The following NRXN1 variants were observed in gnomAD, a reference collection of about 807,000 sequenced individuals.
NRXN1 encodes the protein neurexin-1.
NRXN1 carries 39 observed loss-of-function variants against 150.9 expected under a neutral mutation model. The observed-to-expected ratio is 0.26, with a 90% CI of 0.20 to 0.34. The LOEUF (loss-of-function observed/expected upper bound fraction) is 0.34, where lower values mean the gene tolerates loss of function less well. Ranked by LOEUF, NRXN1 falls within the 10% of genes least tolerant of loss-of-function variation. NRXN1 has a pLI of 1.00. For synonymous variants in NRXN1, 924 were observed against 757.0 expected, an observed-to-expected ratio of 1.22 and a Z score of -3.62; for missense variants, 1,815 against 1,949.9, an observed-to-expected ratio of 0.93 and a Z score of 1.30.
chr2:50,307,173 C>T (rs1003026915), intron 17 of NRXN1, among the ~76,000 whole-genome samples: 4 of 152,000 alleles, frequency 2.6e-5, no homozygotes, highest in Non-Finnish European at 4.4e-5. Flanking sequence ...TTAGTAGAGA[C>T]GGAGTTTTAC....
chr2:50,971,434 T>C (rs1321834457), intron 2 of NRXN1, among the ~76,000 whole-genome samples: 1 of 151,760 alleles, frequency 6.6e-6, no homozygotes, highest in African/African-American at 2.4e-5. Context: ...AATACAAAAA[T>C]TAGCCTGGTG....
At chr2:50,371,671 A>AT (rs1344537979) in intron 17 of NRXN1, among the ~76,000 whole-genome samples, 1 of 151,900 alleles carries the variant, frequency 6.6e-6, no homozygotes, top group Admixed American at 6.6e-5. Context: ...ACAGCTGTGC[A>AT]TTTTTTTCAT....
chr2:49,987,416 A>ATATTAT (rs1681115949), intron 21 of NRXN1, among the ~76,000 whole-genome samples: 1 of 152,158 alleles, frequency 6.6e-6, no homozygotes, highest in African/African-American at 2.4e-5. Flanking sequence ...TTTAGAGCAT[A>ATATTAT]TATTATTTAT....
chr2:50,686,602 A>T (rs1381117172), intron 5 of NRXN1, among the ~76,000 whole-genome samples: 2 of 152,236 alleles, frequency 1.3e-5, no homozygotes, highest in Non-Finnish European at 2.9e-5. Context: ...ATAAGACCAC[A>T]TTAAAACTAC....
chr2:50,113,835 T>A (rs141114495), intron 18 of NRXN1, among the ~76,000 whole-genome samples: 100 of 152,252 alleles, frequency 6.6e-4, no homozygotes, highest in African/African-American at 2.2e-3. Context: ...CAAGTTTCAG[T>A]TATTATTATA....
chr2:50,131,127 G>T (rs1470126843), intron 18 of NRXN1, among the ~76,000 whole-genome samples: 3 of 152,142 alleles, frequency 2.0e-5, no homozygotes. Flanking sequence ...ATTCAATGGG[G>T]TCAACTTAGA....
chr2:49,967,084 G>C (rs1228283088), intron 21 of NRXN1, among the ~76,000 whole-genome samples: 1 of 152,058 alleles, frequency 6.6e-6, no homozygotes, highest in East Asian at 1.9e-4. Context: ...TCCCAAAGTA[G>C]TCTTATGACA....
chr2:50,151,230 C>G (rs10490236), intron 18 of NRXN1, among the ~76,000 whole-genome samples: 8,359 of 151,744 alleles, frequency 0.055, 837 homozygotes, highest in African/African-American at 0.19. Flanking sequence ...TCTTTCCATT[C>G]TGGGAGCCAA....
chr2:50,545,103 A>G (rs1160278171), intron 9 of NRXN1, among the ~76,000 whole-genome samples: 3 of 152,172 alleles, frequency 2.0e-5, no homozygotes, highest in African/African-American at 7.2e-5. Context: ...GTGGTTATCT[A>G]TGGAGAACAG....
intron 15 of NRXN1, among the ~76,000 whole-genome samples, chr2:50,495,387 GTGTGTGTGT>G (rs2091527307): frequency 7.3e-6 from 1 of 137,254 alleles, no homozygotes; most frequent in African/African-American, 3.0e-5. Context: ...TGTGGTGTGT[GTGTGTGTGT>G]GTGTGTGTGT....
intron 2 of NRXN1, among the ~76,000 whole-genome samples, chr2:50,988,954 G>A (rs1052089306): frequency 2.0e-5 from 3 of 151,692 alleles, no homozygotes; most frequent in Admixed American, 6.6e-5. Context: ...TTCTCTCCTT[G>A]TCTTTCAATT....
intron 8 of NRXN1, among the ~76,000 whole-genome samples, chr2:50,612,780 C>A (rs1046334852): frequency 3.9e-5 from 6 of 152,170 alleles, no homozygotes; most frequent in Admixed American, 1.3e-4. Context: ...ATGGCACTCA[C>A]AGCCATGTGT....
At chr2:50,900,319 A>C (rs1359108298) in intron 5 of NRXN1, among the ~76,000 whole-genome samples, 1 of 152,002 alleles carries the variant, frequency 6.6e-6, no homozygotes, top group Non-Finnish European at 1.5e-5. Context: ...TTACACTTCA[A>C]CTCTCCAGTG....
At chr2:50,602,228 T>C (rs1193034032) in intron 8 of NRXN1, among the ~76,000 whole-genome samples, 2 of 152,146 alleles carry the variant, frequency 1.3e-5, no homozygotes, top group Non-Finnish European at 2.9e-5. Flanking sequence ...ACACATGTAC[T>C]ATATTCTGTA....
rs2093113344 is a variant in NRXN1, at chr2:50,531,557, ATCT to A, written c.2144-130_2144-128del. On this transcript the variant is annotated intron_variant, in intron 10 of 22. Transcript: ENST00000401669. Reference sequence around the variant, plus strand: ...GAACACAATACTACAAAATCAATTCATCTTCTTCAGAAATAAACAAAACTGTGA... The same window carrying A: ...GAACACAATACTACAAAATCAATTCATCTTCAGAAATAAACAAAACTGTGA... The A allele has an allele frequency of 4.2e-6, 3 of 721,572 alleles. No individual in the cohort carries two copies. In the South Asian group the frequency reaches 5.8e-5, roughly 14 times the overall value. 44.7% of individuals were successfully genotyped at this position (721,572 alleles called of 1,614,324 possible). A position where few individuals can be genotyped will look rare whatever the true frequency, so the allele number is the denominator to read the frequency against.
In NRXN1 at chr2:49,936,265, C is replaced by T. The variant is rs1168389077; in HGVS notation, c.4216+7439G>A. 2.0e-5 allele frequency among the ~76,000 whole-genome samples: 3 copies of T among 152,218 alleles called. No homozygotes were observed. In the East Asian group the frequency reaches 5.8e-4, roughly 29 times the overall value. On this transcript the variant is annotated intron_variant, in intron 22 of 22. Coordinates refer to ENST00000401669, the MANE Select transcript of NRXN1 (RefSeq NM_001330078.2). ...TTAGTTAAAACATTTTAACAGAACCCACTCTGTCTAATACCTAAAGAGACT... is the reference window on the plus strand; with the variant it reads ...TTAGTTAAAACATTTTAACAGAACCTACTCTGTCTAATACCTAAAGAGACT...
intron 19 of NRXN1, among the ~76,000 whole-genome samples, chr2:50,077,945 A>G (rs1697347672): frequency 6.6e-6 from 1 of 152,124 alleles, no homozygotes; most frequent in Non-Finnish European, 1.5e-5. Flanking sequence ...AGTTAAATTC[A>G]TAAAGCTAAA....
At chr2:50,865,431 G>C (rs1327347127) in intron 5 of NRXN1, among the ~76,000 whole-genome samples, 1 of 151,696 alleles carries the variant, frequency 6.6e-6, no homozygotes, top group East Asian at 2.0e-4. Flanking sequence ...AGGAATTGAG[G>C]CTCAAAGAGG....
chr2:50,632,384 A>C (rs1195540723), intron 5 of NRXN1: 1 of 152,072 alleles, frequency 6.6e-6, no homozygotes, highest in East Asian at 1.9e-4. Context: ...AGAGGAAAGG[A>C]GAATTTTCAC....
Sources: gnomAD v4.1 joint callset for allele counts (sites outside exome capture counted in the v4.1 genomes callset) on GRCh38, gnomAD v4.1.1 for gene constraint, MANE v1.5 for transcripts, NCBI Gene and HGNC (gene_info 2026-07-23, HGNC 2026-07-21) for gene names.